Variants in KDELR2 observed in about 807,000 individuals in gnomAD.
The protein encoded by KDELR2 is KDEL endoplasmic reticulum protein retention receptor 2.
A neutral mutation model predicts 23.9 loss-of-function variants in KDELR2; 15 were observed. The ratio of observed to expected loss-of-function variants is 0.63; its 90% CI spans 0.42 to 0.97. The LOEUF is 0.97. Ranked by LOEUF, KDELR2 falls within the 50% of genes least tolerant of loss-of-function variation. The pLI, the probability that KDELR2 is intolerant of heterozygous loss-of-function variation, is 0.00. For missense variants in KDELR2, 272 were observed against 254.6 expected (o/e 1.07, Z -0.46); for synonymous variants, 119 against 106.2 (o/e 1.12, Z -0.74).
At chr7:6,480,253 T>C (rs531202987) in intron 1 of KDELR2, among the ~76,000 whole-genome samples, 10 of 152,312 alleles carry the variant, frequency 6.6e-5, no homozygotes, top group Admixed American at 3.3e-4. Flanking sequence ...ACAGCACTAA[T>C]AACCATTGGC....
At chr7:6,467,972 G>A (rs984503757) in intron 3 of KDELR2, among the ~76,000 whole-genome samples, 1 of 152,186 alleles carries the variant, frequency 6.6e-6, no homozygotes, top group Non-Finnish European at 1.5e-5. Context: ...GCTAAGCAGG[G>A]TCACAGACAC....
chr7:6,468,534 C>T (rs1003919948), intron 3 of KDELR2, among the ~76,000 whole-genome samples: 1 of 151,854 alleles, frequency 6.6e-6, no homozygotes, highest in African/African-American at 2.4e-5. Flanking sequence ...GAGACAGCGT[C>T]TCGCTCTGTC....
chr7:6,468,561 A>C (rs1444311352), intron 3 of KDELR2, among the ~76,000 whole-genome samples: 3 of 152,082 alleles, frequency 2.0e-5, no homozygotes, highest in African/African-American at 7.2e-5. Context: ...GCTGGAGTGC[A>C]GTAGCGCGAT....
chr7:6,483,948 G>A lies in KDELR2; in HGVS notation c.91+19C>T, dbSNP rs1394443531. On this transcript the variant is annotated intron_variant, in intron 1 of 4. Transcript: ENST00000258739. ...GGCCCCCACGCCCGAGCCTCTCCGGGCCTTCCCCCGCCGCTCACCGGCGCA... is the reference window on the plus strand; with the variant it reads ...GGCCCCCACGCCCGAGCCTCTCCGGACCTTCCCCCGCCGCTCACCGGCGCA... 6.7e-6 allele frequency: 10 copies of A among 1,494,422 alleles called. No homozygotes were observed. The highest frequency in any genetic ancestry group is 8.9e-6 in the Non-Finnish European group (10 of 1,117,504). The allele number at this position is 1,494,422 out of a possible 1,614,324, so 92.6% of individuals were successfully genotyped here.
In KDELR2 at chr7:6,476,072, A is replaced by G. The variant is rs541031113; in HGVS notation, c.92-1788T>C. On this transcript the variant is annotated intron_variant, in intron 1 of 4. Coordinates refer to ENST00000258739, the MANE Select transcript of KDELR2 (RefSeq NM_006854.4). ...GGACTACAGGTGGGTGCACCACCAC[A>G]CCTGGCTAATATTTGTATTACATGT... Among the ~76,000 whole-genome samples, 6 of 152,274 alleles carry G rather than the reference A, an allele frequency of 3.9e-5. No homozygotes were observed. In the East Asian group the frequency reaches 1.2e-3, roughly 29 times the overall value.
At position 6,466,122 on chromosome 7, in the gene KDELR2, C is replaced by T. The variant is rs765280347; in HGVS notation, c.553G>A (p.Val185Ile). Residue 185 changes from valine (V) to isoleucine (I), a missense_variant, in exon 4 of 5, where the codon GTA (valine) becomes ATA (isoleucine). Physicochemically the swap from Val to Ile is conservative, Grantham distance 29 (BLOSUM62 3). Transcript: ENST00000258739. ...FFDLIAVVAG[V>I]VQTILYCDFF... Reference sequence around the variant, plus strand: ...TCACAGTATAGGATGGTCTGGACTACGCCGGCCACCACAGCAATGAGGTCA... The same window carrying T: ...TCACAGTATAGGATGGTCTGGACTATGCCGGCCACCACAGCAATGAGGTCA... 27 of 1,613,964 alleles carry T rather than the reference C, an allele frequency of 1.7e-5. No homozygotes were observed. Among genetic ancestry groups the T allele is most frequent in the African/African-American group, 6.7e-5 (5 of 74,884 alleles).
Position 6,462,734 on chromosome 7 carries a change from T to TAC in KDELR2, c.*406_*407insGT. 2.4e-6 allele frequency: 1 copy of TAC among 410,546 alleles called. No homozygotes were observed. The highest frequency in any genetic ancestry group is 4.1e-5 in the East Asian group (1 of 24,554). The allele number at this position is 410,546 out of a possible 1,614,324, so 25.4% of individuals were successfully genotyped here. A position where few individuals can be genotyped will look rare whatever the true frequency, so the allele number is the denominator to read the frequency against. On this transcript the variant is annotated 3_prime_UTR_variant, in exon 5 of 5. Transcript: ENST00000258739. ...AATGCAAGTTTGAGGGATGGAAGAA[T>TAC]ATATAATCTATCAACTGTCAAGGAG...
chr7:6,477,607 C>T (rs1785782428), intron 1 of KDELR2, among the ~76,000 whole-genome samples: 1 of 152,208 alleles, frequency 6.6e-6, no homozygotes, highest in African/African-American at 2.4e-5. Context: ...GGAAATCAGT[C>T]ATTAAACAAC....
chr7:6,468,037 G>C (rs371721375), intron 3 of KDELR2, among the ~76,000 whole-genome samples: 1 of 152,306 alleles, frequency 6.6e-6, no homozygotes, highest in East Asian at 1.9e-4. Context: ...CTACAGGAGG[G>C]AGACCTTGTT....
chr7:6,475,082 T>C (rs1785726043), intron 1 of KDELR2, among the ~76,000 whole-genome samples: 1 of 152,190 alleles, frequency 6.6e-6, no homozygotes, highest in South Asian at 2.1e-4. Flanking sequence ...GCTGGAATAA[T>C]GGCATCGCAT....
intron 4 of KDELR2, 38 bp downstream of exon 4, chr7:6,466,033 C>A (rs377071546): frequency 6.2e-7 from 1 of 1,604,456 alleles, no homozygotes; most frequent in South Asian, 1.1e-5. Flanking sequence ...TAAAAGAACA[C>A]GTCACTCTAG....
intron 1 of KDELR2, among the ~76,000 whole-genome samples, chr7:6,481,155 G>C (rs111425146): frequency 0.15 from 23,491 of 152,114 alleles, 2,065 homozygotes; most frequent in Non-Finnish European, 0.2. Flanking sequence ...CGGATCATGA[G>C]GTCAGGAGAC....
In KDELR2 at chr7:6,471,126, AAAATAAAT is replaced by A. The variant is rs143204446; in HGVS notation, c.193-1380_193-1373del. ...ACTGACTCTGTCTCAAAAAAAATAA[AAAATAAAT>A]AAATAAATAAATAAATAAATGTATA... On this transcript the variant is annotated intron_variant, in intron 2 of 4. Transcript: ENST00000258739. Among the ~76,000 whole-genome samples the A allele has an allele frequency of 1.4e-4, 16 of 111,084 alleles. No homozygotes were observed. In the South Asian group the frequency reaches 1.5e-3, roughly 10 times the overall value. The allele number at this position is 111,084 out of a possible 152,430, so 72.9% of individuals were successfully genotyped here.
Position 6,462,977 on chromosome 7 carries a change from CCTT to C in KDELR2, c.*161_*163del, listed in dbSNP as rs774284629. On this transcript the variant is annotated 3_prime_UTR_variant, in exon 5 of 5. Transcript: ENST00000258739. ...TAAGGCAAGATGCATTAAACAGAAACCTTCTGGCTCTTTTCCTCTGCGTTTTTA... is the reference window on the plus strand; with the variant it reads ...TAAGGCAAGATGCATTAAACAGAAACCTGGCTCTTTTCCTCTGCGTTTTTA... The C allele has an allele frequency of 6.2e-6, 10 of 1,613,336 alleles. No individual in the cohort carries two copies. The highest frequency in any genetic ancestry group is 7.6e-6 in the Non-Finnish European group (9 of 1,179,814).
rs903171201 is a variant in KDELR2, at chr7:6,462,843, A to T, written c.*298T>A. The stretch of plus-strand genomic sequence containing the variant: ...AAAAAATTTGCACTTATTCCTCACA[A>T]AATCTTCACTTTTGGAACTATCCCA... On this transcript the variant is annotated 3_prime_UTR_variant, in exon 5 of 5. Transcript: ENST00000258739. 2 of 855,284 alleles carry T rather than the reference A, an allele frequency of 2.3e-6. No homozygotes were observed. Among genetic ancestry groups the T allele is most frequent in the African/African-American group, 3.5e-5 (2 of 57,616 alleles). The allele number at this position is 855,284 out of a possible 1,614,324, so 53.0% of individuals were successfully genotyped here.
At chr7:6,463,597 A>G (rs1466308031) in intron 4 of KDELR2, among the ~76,000 whole-genome samples, 1 of 151,754 alleles carries the variant, frequency 6.6e-6, no homozygotes, top group African/African-American at 2.4e-5. Context: ...AAAAAGAACC[A>G]GGTGTGGTGG....
chr7:6,463,319 A>G (rs1354103363), intron 4 of KDELR2, 144 bp from the exon 5 acceptor site: 1 of 655,818 alleles, frequency 1.5e-6, no homozygotes, highest in Non-Finnish European at 2.5e-6. Flanking sequence ...TTTTAAAAAT[A>G]CAAATTTGAT....
At chr7:6,466,421 A>G (rs1164410057) in intron 3 of KDELR2, 98 bp from the exon 4 acceptor site, 7 of 1,448,756 alleles carry the variant, frequency 4.8e-6, no homozygotes, top group Non-Finnish European at 6.5e-6. Context: ...GCCTAAGATG[A>G]GTGGGGAGTG....
Position 6,463,141 on chromosome 7 carries a change from T to G in KDELR2, c.639A>C (p.Ter213TyrextTer24). Residue 213 changes from the stop codon to tyrosine, a stop_lost, in exon 5 of 5, where the codon TAA (stop) becomes TAC (tyrosine). Coordinates refer to ENST00000258739, the MANE Select transcript of KDELR2 (RefSeq NM_006854.4). ...AGATGCTGGTGATGGTCTTTGGCAC[T>G]TATGCTGGCAAACTGAGCTTCTTTC... ...LKGKKLSLPA[*>Y] 6.2e-7 allele frequency: 1 copy of G among 1,614,030 alleles called. No individual in the cohort carries two copies. Among genetic ancestry groups the G allele is most frequent in the Non-Finnish European group, 8.5e-7 (1 of 1,179,996 alleles).
Sources: gnomAD v4.1 joint callset for allele counts (sites outside exome capture counted in the v4.1 genomes callset) on GRCh38, gnomAD v4.1.1 for gene constraint, MANE v1.5 for transcripts, NCBI Gene and HGNC (gene_info 2026-07-23, HGNC 2026-07-21) for gene names.